TANK: variants seen among roughly 807,000 people sequenced by gnomAD.
TANK encodes TRAF family member associated NFKB activator.
Under a neutral mutation model 43.6 loss-of-function variants are expected in TANK, and 15 were observed. That is an observed-to-expected ratio of 0.34 (90% CI 0.23 to 0.53). The LOEUF (loss-of-function observed/expected upper bound fraction) is 0.53, where lower values mean the gene tolerates loss of function less well. Among genes scored for constraint, TANK ranks in the 20% least tolerant of loss-of-function variants. The pLI is 0.94. For missense variants in TANK, 417 were observed against 498.6 expected, an observed-to-expected ratio of 0.84 and a Z score of 1.56; for synonymous variants, 162 against 178.2, an observed-to-expected ratio of 0.91 and a Z score of 0.73.
At position 161,236,143 on chromosome 2, in the gene TANK, A is replaced by G. The variant is rs1487478775; in HGVS notation, c.*625A>G. Reference sequence around the variant, plus strand: ...TAATTTTTACTGTGTGTATAGCTACATGATGAAATTAATTAAATATTAAGA... The same window carrying G: ...TAATTTTTACTGTGTGTATAGCTACGTGATGAAATTAATTAAATATTAAGA... On this transcript the variant is annotated 3_prime_UTR_variant, in exon 8 of 8. Coordinates refer to ENST00000392749, the MANE Select transcript of TANK (RefSeq NM_001199135.3). 4 of 151,528 alleles carry G rather than the reference A, an allele frequency of 2.6e-5. No individual in the cohort carries two copies. The highest frequency in any genetic ancestry group is 4.4e-5 in the Non-Finnish European group (3 of 67,896). The allele number at this position is 151,528 out of a possible 1,614,324, so 9.4% of individuals were successfully genotyped here.
rs116595822 is a variant in TANK at position 161,188,288 on chromosome 2, A to G, written c.99+8527A>G. Among the ~76,000 whole-genome samples the G allele has an allele frequency of 9.6e-3, 1,462 of 152,260 alleles. 16 individuals carry two copies. Among genetic ancestry groups the G allele is most frequent in the African/African-American group, 0.022 (904 of 41,566 alleles). ...TTGAAAAGATCAAGAAATGTGACAA[A>G]CCTTTAGTTAGCTTGACTAAAAAAA... On this transcript the variant is annotated intron_variant, in intron 2 of 7. Transcript: ENST00000392749.
intron 4 of TANK, among the ~76,000 whole-genome samples, chr2:161,214,232 A>G (rs527653154): frequency 6.6e-6 from 1 of 152,288 alleles, no homozygotes; most frequent in East Asian, 1.9e-4. Context: ...GCTTTTGAGA[A>G]AATGTCTGAA....
rs1293703048 is a variant in TANK, at chr2:161,231,501, C to T, written c.1051C>T (p.Pro351Ser). Residue 351 changes from proline (P) to serine (S), a missense_variant, in exon 7 of 8, where the codon CCT becomes TCT. Pro to Ser is a moderately conservative substitution (Grantham distance 74, BLOSUM62 -1). Transcript: ENST00000392749. ...CCCACTTCTGGACCCATCTGATGCA[C>T]CTTTTCCCTCACTCGATTCCCCGGG... Reference protein sequence around the residue: ...SFPLLDPSDAPFPSLDSPGKA... With the variant: ...SFPLLDPSDASFPSLDSPGKA... The T allele has an allele frequency of 1.2e-6, 2 of 1,613,456 alleles. No individual in the cohort carries two copies. Among genetic ancestry groups the T allele is most frequent in the African/African-American group, 2.7e-5 (2 of 74,930 alleles).
intron 4 of TANK, chr2:161,222,720 T>G (rs1395825984): frequency 6.6e-6 from 1 of 152,086 alleles, no homozygotes; most frequent in African/African-American, 2.4e-5. Context: ...ACACATGATA[T>G]GCAGCAACAA....
chr2:161,228,472 G>A (rs1193949684), intron 6 of TANK, among the ~76,000 whole-genome samples: 8 of 152,126 alleles, frequency 5.3e-5, no homozygotes, highest in East Asian at 1.9e-4. Context: ...CAGAGGTTGC[G>A]GTGAGCCAAG....
At chr2:161,232,389 T>C (rs1477958603) in intron 7 of TANK, among the ~76,000 whole-genome samples, 2 of 152,216 alleles carry the variant, frequency 1.3e-5, no homozygotes, top group Non-Finnish European at 2.9e-5. Flanking sequence ...CCTTGAGATA[T>C]TTAATTTTTT....
chr2:161,233,922 A>G (rs1439272534), intron 7 of TANK, among the ~76,000 whole-genome samples: 3 of 152,088 alleles, frequency 2.0e-5, no homozygotes, highest in Non-Finnish European at 4.4e-5. Context: ...TATGCTCACA[A>G]TTTTTACTAC....
At chr2:161,212,847 G>T in intron 4 of TANK, 14 of 812,004 alleles carry the variant, frequency 1.7e-5, no homozygotes, top group South Asian at 5.6e-5. Flanking sequence ...CTGTATTGCT[G>T]TAAAGGAATA....
intron 1 of TANK, among the ~76,000 whole-genome samples, chr2:161,163,758 T>C (rs1292694152): frequency 6.6e-6 from 1 of 152,228 alleles, no homozygotes; most frequent in Non-Finnish European, 1.5e-5. Flanking sequence ...CTTATACTTA[T>C]TTAACATGAA....
At chr2:161,164,290 TA>T (rs1684574979) in intron 1 of TANK, among the ~76,000 whole-genome samples, 1 of 152,198 alleles carries the variant, frequency 6.6e-6, no homozygotes, top group Admixed American at 6.5e-5. Context: ...CTTATAAGCA[TA>T]AAATATTACT....
At chr2:161,213,366 G>T (rs1035013756) in intron 4 of TANK, among the ~76,000 whole-genome samples, 2 of 152,146 alleles carry the variant, frequency 1.3e-5, no homozygotes, top group African/African-American at 4.8e-5. Context: ...ATTTTGGGAG[G>T]CCAAGGTGGG....
rs1476858671 is a variant in TANK at position 161,204,813 on chromosome 2, A to T, written c.327+20A>T. ...CCAAAGGTAGACATTGCTTCTGCAG[A>T]AAGCAGCATTTAAATGCTGATGCGT... On this transcript the variant is annotated intron_variant, in intron 4 of 7. Coordinates refer to ENST00000392749, the MANE Select transcript of TANK (RefSeq NM_001199135.3). 20 of 1,601,804 alleles carry T rather than the reference A, an allele frequency of 1.2e-5. No individual in the cohort carries two copies. Among genetic ancestry groups the T allele is most frequent in the Non-Finnish European group, 1.7e-5 (20 of 1,176,306 alleles).
intron 1 of TANK, chr2:161,160,904 T>G: frequency 2.3e-6 from 1 of 438,284 alleles, no homozygotes; most frequent in South Asian, 1.9e-5. Flanking sequence ...GTATCGTGGT[T>G]ACTCTTTCGA....
At chr2:161,170,294 TATTA>T (rs1282075450) in intron 1 of TANK, among the ~76,000 whole-genome samples, 10 of 152,330 alleles carry the variant, frequency 6.6e-5, no homozygotes, top group East Asian at 3.9e-4. Flanking sequence ...TTGTTTTCTC[TATTA>T]ATTAAGTTGA....
chr2:161,161,032 C>A, intron 1 of TANK: 1 of 541,102 alleles, frequency 1.8e-6, no homozygotes, highest in Non-Finnish European at 3.2e-6. Flanking sequence ...CCCAGAGGGT[C>A]ACGGAGGGAG....
Position 161,163,814 on chromosome 2 carries a change from G to A in TANK, c.-50+3328G>A, listed in dbSNP as rs116136389. On this transcript the variant is annotated intron_variant, in intron 1 of 7. Transcript: ENST00000392749. Reference sequence around the variant, plus strand: ...TCAGGTATGTGCATGGTATGTGCACGCACATGGGGCAGTGCTGTCATCTAA... The same window carrying A: ...TCAGGTATGTGCATGGTATGTGCACACACATGGGGCAGTGCTGTCATCTAA... Among the ~76,000 whole-genome samples, 800 of 152,304 alleles carry A rather than the reference G, an allele frequency of 5.3e-3. 7 individuals are homozygous for A. Among genetic ancestry groups the A allele is most frequent in the African/African-American group, 0.017 (725 of 41,564 alleles).
chr2:161,159,265 TTTC>T, upstream of TANK: 1 of 152,242 alleles, frequency 6.6e-6, no homozygotes, highest in Non-Finnish European at 1.5e-5. Flanking sequence ...AACAGCTTTT[TTTC>T]ATCACACTGG....
chr2:161,189,420 A>G (rs893278747), intron 2 of TANK, among the ~76,000 whole-genome samples: 3 of 152,202 alleles, frequency 2.0e-5, no homozygotes, highest in Non-Finnish European at 4.4e-5. Flanking sequence ...ATCATCCAAC[A>G]TAGGAAAAAC....
At chr2:161,140,895 C>T (rs1683727393) in intron 1 of TANK, among the ~76,000 whole-genome samples, 1 of 151,996 alleles carries the variant, frequency 6.6e-6, no homozygotes, top group Admixed American at 6.6e-5. Context: ...AGAGAATTCA[C>T]ATATACCACC....
Sources: allele counts gnomAD v4.1 joint callset (sites outside exome capture counted in the v4.1 genomes callset), GRCh38; gene constraint gnomAD v4.1.1; transcripts MANE v1.5; gene names NCBI Gene and HGNC (gene_info 2026-07-23, HGNC 2026-07-21).